The following STC1 variants were observed in gnomAD, a reference collection of about 807,000 sequenced individuals.
The protein encoded by STC1 is stanniocalcin 1.
In STC1, 7 loss-of-function variants were observed where a neutral mutation model predicts 22.6. The ratio of observed to expected loss-of-function variants is 0.31; its 90% confidence interval spans 0.18 to 0.58. The LOEUF is 0.58. Among genes scored for constraint, STC1 ranks in the 20% least tolerant of loss-of-function variants. STC1 has a pLI of 0.89. For synonymous variants in STC1, 113 were observed against 120.7 expected (o/e 0.94, Z 0.42); for missense variants, 224 against 311.0 (o/e 0.72, Z 2.10).
chr8:23,852,832 C>T (rs1201974853), intron 1 of STC1, among the ~76,000 whole-genome samples: 1 of 152,048 alleles, frequency 6.6e-6, no homozygotes, highest in Admixed American at 6.6e-5. Context: ...AAATGCACTC[C>T]CGAGTAAAAA....
chr8:23,853,956 G>T, intron 1 of STC1: 1 of 920,886 alleles, frequency 1.1e-6, no homozygotes, highest in Non-Finnish European at 1.3e-6. Context: ...GCTTTTCTGT[G>T]TATTCTCTTA....
At position 23,843,090 on chromosome 8, in the gene STC1, T is replaced by G. The variant is rs1417919650; in HGVS notation, c.*1680A>C. On this transcript the variant is annotated 3_prime_UTR_variant, in exon 4 of 4. Coordinates refer to ENST00000290271, the MANE Select transcript of STC1 (RefSeq NM_003155.3). ...ACCTAAGCGAGTTTGGAGTGGCCCC[T>G]GCAGTCCTACCCCTCCTCCCTCTCT... 6.5e-6 allele frequency: 1 copy of G among 152,724 alleles called. No homozygotes were observed. The highest frequency in any genetic ancestry group is 1.5e-5 in the Non-Finnish European group (1 of 68,182). 9.5% of individuals were successfully genotyped at this position (152,724 alleles called of 1,614,324 possible).
intron 3 of STC1, among the ~76,000 whole-genome samples, chr8:23,849,311 A>C (rs1272328097): frequency 6.6e-6 from 1 of 152,248 alleles, no homozygotes; most frequent in African/African-American, 2.4e-5. Context: ...ATGGAACCGG[A>C]CATTTCTACA....
intron 3 of STC1, among the ~76,000 whole-genome samples, chr8:23,850,026 G>A (rs751142600): frequency 6.6e-6 from 1 of 152,182 alleles, no homozygotes; most frequent in Non-Finnish European, 1.5e-5. Flanking sequence ...AGAACCCCAT[G>A]ATAAAGTCAC....
chr8:23,850,595 A>G (rs901421391), intron 3 of STC1, among the ~76,000 whole-genome samples: 2 of 152,174 alleles, frequency 1.3e-5, no homozygotes, highest in African/African-American at 4.8e-5. Context: ...ACTGAAAAGT[A>G]CAATGCCCAG....
Position 23,851,475 on chromosome 8 carries a change from C to T in STC1, c.318G>A (p.Lys106=), listed in dbSNP as rs1439392801. The change falls in exon 3 of 4, where the codon AAG becomes AAA. Residue 106 remains lysine, a synonymous_variant. Coordinates refer to ENST00000290271, the MANE Select transcript of STC1 (RefSeq NM_003155.3). ...AGCACCTCCGAATGGCGAGGAAGAC[C>T]TTGGAGGTGACCCCGTTGGCGATGC... ...LKCIANGVTS[K]VFLAIRRCST... 6.2e-7 allele frequency: 1 copy of T among 1,614,144 alleles called. No individual in the cohort carries two copies. Among genetic ancestry groups the T allele is most frequent in the African/African-American group, 1.3e-5 (1 of 75,020 alleles).
In STC1 at chr8:23,844,841, G is replaced by A. The variant is rs776619365; in HGVS notation, c.673C>T (p.Leu225Phe). The A allele has an allele frequency of 6.2e-7, 1 of 1,614,120 alleles. No individual in the cohort carries two copies. Among genetic ancestry groups the A allele is most frequent in the Non-Finnish European group, 8.5e-7 (1 of 1,180,016 alleles). ...RTNEPQKLKV[L>F]LRNLRGEEDS... ...TCCTCACCTCGGAGGTTCCTGAGGA[G>A]GACTTTCAGCTTCTGCGGCTCATTG... is the stretch of plus-strand genomic sequence containing the variant. Residue 225 changes from leucine to phenylalanine, a missense_variant, in exon 4 of 4, where the codon CTC becomes TTC. By Grantham distance (22) the Leu-to-Phe change is conservative. Transcript: ENST00000290271.
In STC1 at chr8:23,844,725, T is replaced by G. The variant is rs772114441; in HGVS notation, c.*45A>C. On this transcript the variant is annotated 3_prime_UTR_variant, in exon 4 of 4. Transcript: ENST00000290271. ...CTCAAAACTGGTGTGTCAACACCCC[T>G]AAAATGATACTAGTTTGGTGAGGTT... is the stretch of plus-strand genomic sequence containing the variant. 6 of 1,600,742 alleles carry G rather than the reference T, an allele frequency of 3.7e-6. No individual in the cohort carries two copies. The South Asian group carries it at 6.6e-5, about 18-fold the overall frequency.
chr8:23,851,368 G>T lies in STC1; in HGVS notation c.425C>A (p.Pro142His), dbSNP rs777847621. Reference protein sequence around the residue: ...LNVCSIAKRNPEAITEVVQLP... With the variant: ...LNVCSIAKRNHEAITEVVQLP... ...CTGGACGACCTCAGTGATGGCTTCA[G>T]GGTTCCGCTTGGCGATGCTGCACAC... The change falls in exon 3 of 4, where the codon CCT (proline) becomes CAT (histidine). Residue 142 changes from proline to histidine, a missense_variant. By Grantham distance (77) the Pro-to-His change is moderately conservative (BLOSUM62 -2). Transcript: ENST00000290271. The T allele has an allele frequency of 1.9e-6, 3 of 1,614,124 alleles. No individual in the cohort carries two copies. The highest frequency in any genetic ancestry group is 2.2e-5 in the East Asian group (1 of 44,854).
Position 23,844,669 on chromosome 8 carries a change from ACTT to A in STC1, c.*98_*100del. 1 of 1,369,682 alleles carries A rather than the reference ACTT, an allele frequency of 7.3e-7. No individual in the cohort carries two copies. Among genetic ancestry groups the A allele is most frequent in the South Asian group, 1.4e-5 (1 of 70,948 alleles). 84.8% of individuals were successfully genotyped at this position (1,369,682 alleles called of 1,614,324 possible). A position where few individuals can be genotyped will look rare whatever the true frequency, so the allele number is the denominator to read the frequency against. On this transcript the variant is annotated 3_prime_UTR_variant, in exon 4 of 4. Coordinates refer to ENST00000290271, the MANE Select transcript of STC1 (RefSeq NM_003155.3). ...TTAAGGGGGATAGAAAATAGGAACT[ACTT>A]TAAAAAAATCAAACCAGGCACAGTA...
At chr8:23,850,486 ATC>A (rs2117742710) in intron 3 of STC1, among the ~76,000 whole-genome samples, 1 of 152,336 alleles carries the variant, frequency 6.6e-6, no homozygotes, top group South Asian at 2.1e-4. Context: ...CCCCATTGGC[ATC>A]TCTTAGTTCT....
In STC1 at chr8:23,854,708, T is replaced by TGCTGCTGCTGCTGCCGCC. The variant is rs772415566; in HGVS notation, c.-203_-186dup. The TGCTGCTGCTGCTGCCGCC allele has an allele frequency of 2.1e-5, 13 of 616,786 alleles. No homozygotes were observed. Among genetic ancestry groups the TGCTGCTGCTGCTGCCGCC allele is most frequent in the Non-Finnish European group, 3.6e-5 (12 of 334,978 alleles). The allele number at this position is 616,786 out of a possible 1,614,324, so 38.2% of individuals were successfully genotyped here. On this transcript the variant is annotated 5_prime_UTR_variant, in exon 1 of 4. Transcript: ENST00000290271. ...CTGCTGCTGCCACCGGTGCCTCCGC[T>TGCTGCTGCTGCTGCCGCC]GCTGCTGCTGCTGCCGCCGCTGCTG... is the stretch of plus-strand genomic sequence containing the variant.
intron 3 of STC1, among the ~76,000 whole-genome samples, chr8:23,846,864 A>C (rs1245857392): frequency 6.6e-6 from 1 of 152,218 alleles, no homozygotes; most frequent in Non-Finnish European, 1.5e-5. Context: ...CCAGTTTTGG[A>C]GAAACATAGA....
chr8:23,846,974 A>G (rs1802580738), intron 3 of STC1, among the ~76,000 whole-genome samples: 1 of 152,070 alleles, frequency 6.6e-6, no homozygotes, highest in African/African-American at 2.4e-5. Context: ...GGGTCTTTGG[A>G]TGGCTGTGTC....
At position 23,854,750 on chromosome 8, in the gene STC1, C is replaced by CGCTGCTGCTGCTGCCGCCGCCGCTGCT; in HGVS notation, c.-228_-227insAGCAGCGGCGGCGGCAGCAGCAGCAGC. 1 of 634,620 alleles carries CGCTGCTGCTGCTGCCGCCGCCGCTGCT rather than the reference C, an allele frequency of 1.6e-6. No homozygotes were observed. Among genetic ancestry groups the CGCTGCTGCTGCTGCCGCCGCCGCTGCT allele is most frequent in the South Asian group, 1.5e-5 (1 of 64,768 alleles). 39.3% of individuals were successfully genotyped at this position (634,620 alleles called of 1,614,324 possible). ...CCGCTGCTGCTGCTGCTGCCACCGC[C>CGCTGCTGCTGCTGCCGCCGCCGCTGCT]GCTGCTGCTGCTGCTGCTGCAGTCG... On this transcript the variant is annotated 5_prime_UTR_variant, in exon 1 of 4. Coordinates refer to ENST00000290271, the MANE Select transcript of STC1 (RefSeq NM_003155.3).
At chr8:23,845,117 A>C in intron 3 of STC1, 77 bp from the exon 4 acceptor site, 2 of 1,468,052 alleles carry the variant, frequency 1.4e-6, no homozygotes. Context: ...CCCGGGCTCT[A>C]GCCAACACGA....
At chr8:23,853,275 G>C (rs770766383) in intron 1 of STC1, among the ~76,000 whole-genome samples, 8 of 152,186 alleles carry the variant, frequency 5.3e-5, no homozygotes, top group African/African-American at 7.2e-5. Flanking sequence ...GAGATCAAAA[G>C]CATGGTTCAG....
rs1802646679 is a variant in STC1 at position 23,852,262 on chromosome 8, C to T, written c.241G>A (p.Ala81Thr). 6.2e-7 allele frequency: 1 copy of T among 1,614,028 alleles called. No homozygotes were observed. Among genetic ancestry groups the T allele is most frequent in the South Asian group, 1.1e-5 (1 of 91,086 alleles). The change falls in exon 2 of 4, where the codon GCT (alanine) becomes ACT (threonine). Residue 81 changes from alanine (A) to threonine (T), a missense_variant. Coordinates refer to ENST00000290271, the MANE Select transcript of STC1 (RefSeq NM_003155.3). ...YDICKSFLYS[A>T]AKFDTQGKAF... ...ATTACCTGAGTGTCAAATTTAGCAG[C>T]GCTGTACAAGAAGGATTTACAGATG... is the stretch of plus-strand genomic sequence containing the variant.
At chr8:23,850,260 C>T (rs1015654064) in intron 3 of STC1, among the ~76,000 whole-genome samples, 6 of 152,158 alleles carry the variant, frequency 3.9e-5, no homozygotes, top group Non-Finnish European at 8.8e-5. Flanking sequence ...AGGGTGGTGG[C>T]ACCTGGCTAG....
Sources: gnomAD v4.1 joint callset for allele counts (sites outside exome capture counted in the v4.1 genomes callset) on GRCh38, gnomAD v4.1.1 for gene constraint, MANE v1.5 for transcripts, NCBI Gene and HGNC (gene_info 2026-07-23, HGNC 2026-07-21) for gene names.